PUM2: variants seen among roughly 807,000 people sequenced by gnomAD.
The protein encoded by PUM2 is pumilio RNA binding family member 2.
PUM2 carries 57 observed loss-of-function variants against 124.5 expected under a neutral mutation model. The observed-to-expected ratio is 0.46, with a 90% CI of 0.37 to 0.57. PUM2 has a LOEUF of 0.57. Among genes scored for constraint, PUM2 ranks in the 20% least tolerant of loss-of-function variants. The pLI, the probability that PUM2 is intolerant of heterozygous loss-of-function variation, is 0.00. For missense variants in PUM2, 1,065 were observed against 1,290.6 expected (o/e 0.83, Z 2.68); for synonymous variants, 460 against 446.1 (o/e 1.03, Z -0.39).
intron 7 of PUM2, among the ~76,000 whole-genome samples, chr2:20,307,223 C>G (rs753085644): frequency 6.6e-5 from 10 of 151,912 alleles, no homozygotes; most frequent in Non-Finnish European, 1.5e-4. Flanking sequence ...CCAAAATAAA[C>G]AAACAAAAAA....
At chr2:20,343,451 T>TAATTATTTA (rs1558689720) in intron 1 of PUM2, among the ~76,000 whole-genome samples, 1 of 152,080 alleles carries the variant, frequency 6.6e-6, no homozygotes, top group Admixed American at 6.6e-5. Flanking sequence ...AATAACTAAG[T>TAATTATTTA]AATTTATTAA....
chr2:20,325,659 T>G (rs1360711940), intron 2 of PUM2, among the ~76,000 whole-genome samples: 6 of 151,102 alleles, frequency 4.0e-5, no homozygotes, highest in Non-Finnish European at 8.9e-5. Flanking sequence ...TCTCGGTTTG[T>G]CCCCCAGGCC....
intron 13 of PUM2, 67 bp from the exon 14 acceptor site, chr2:20,263,527 T>C: frequency 1.3e-6 from 2 of 1,484,456 alleles, no homozygotes; most frequent in Non-Finnish European, 1.8e-6. Flanking sequence ...AAATTTACTT[T>C]AGCTACAAAT....
At position 20,293,663 on chromosome 2, in the gene PUM2, G is replaced by A. The variant is rs572043138; in HGVS notation, c.1152+713C>T. Among the ~76,000 whole-genome samples, 23 of 152,122 alleles carry A rather than the reference G, an allele frequency of 1.5e-4. No homozygotes were observed. The South Asian group carries it at 2.9e-3, about 19-fold the overall frequency. On this transcript the variant is annotated intron_variant, in intron 9 of 20. Coordinates refer to ENST00000361078, the MANE Select transcript of PUM2 (RefSeq NM_015317.5). ...GTGGAAGTTGCAGTGAGCCAAGATC[G>A]TGCCACTACACTCCAGCCTAGGTGA... is the stretch of plus-strand genomic sequence containing the variant.
intron 1 of PUM2, among the ~76,000 whole-genome samples, chr2:20,337,008 T>C (rs755244575): frequency 1.7e-4 from 26 of 152,232 alleles, no homozygotes; most frequent in African/African-American, 6.3e-4. Flanking sequence ...TAATGTAATA[T>C]GAAACAGTAC....
At chr2:20,320,259 A>G (rs1390702651) in intron 2 of PUM2, among the ~76,000 whole-genome samples, 1 of 152,188 alleles carries the variant, frequency 6.6e-6, no homozygotes, top group African/African-American at 2.4e-5. Context: ...AAAACAAAAA[A>G]CAAACAAACA....
Position 20,327,303 on chromosome 2 carries a change from C to T in PUM2, c.51+7G>A, listed in dbSNP as rs1553402440. 1 of 1,533,844 alleles carries T rather than the reference C, an allele frequency of 6.5e-7. No individual in the cohort carries two copies. On this transcript the variant is annotated splice_region_variant and intron_variant, in intron 2 of 20. Transcript: ENST00000361078. ...GGTGTAAGTTCTTAGTATTTGCAAA[C>T]ATTTACCTCTCCCATTCCCCGAGAT...
At chr2:20,327,654 A>G (rs1021838877) in intron 1 of PUM2, among the ~76,000 whole-genome samples, 1 of 152,238 alleles carries the variant, frequency 6.6e-6, no homozygotes, top group Non-Finnish European at 1.5e-5. Flanking sequence ...ACTGGAGAAC[A>G]GTCTATACTT....
chr2:20,294,645 T>C lies in PUM2; in HGVS notation c.1010-127A>G. On this transcript the variant is annotated intron_variant, in intron 8 of 20. Transcript: ENST00000361078. ...CTTAGAGAAGAACATGTCTTTATAA[T>C]AAAAGACAAAGTATTGATGGGTGAC... is the stretch of plus-strand genomic sequence containing the variant. 3 of 1,101,362 alleles carry C rather than the reference T, an allele frequency of 2.7e-6. No individual in the cohort carries two copies. In the East Asian group the frequency reaches 8.1e-5, roughly 30 times the overall value. The allele number at this position is 1,101,362 out of a possible 1,614,324, so 68.2% of individuals were successfully genotyped here.
Position 20,318,537 on chromosome 2 carries a change from G to A in PUM2, c.160C>T (p.His54Tyr), listed in dbSNP as rs749769709. The A allele has an allele frequency of 5.6e-6, 9 of 1,603,750 alleles. No individual in the cohort carries two copies. The highest frequency in any genetic ancestry group is 5.5e-5 in the South Asian group (5 of 90,328). ...TCTCACACATATACCAGTAACTTAC[G>A]AGAAGCTCCCCATGCAGTCTCTCTC... ...EWRETAWGASHHSMSQPIMVQ... is the reference protein window; with the variant it reads ...EWRETAWGASYHSMSQPIMVQ... Residue 54 changes from histidine (H) to tyrosine (Y), a missense_variant and splice_region_variant, in exon 3 of 21, where the codon CAC (histidine) becomes TAC (tyrosine). This residue lies in a region of PUM2 where 90 missense variants were observed against 103.6 expected (regional missense o/e 0.87). Coordinates refer to ENST00000361078, the MANE Select transcript of PUM2 (RefSeq NM_015317.5).
intron 2 of PUM2, chr2:20,326,366 ACTTGGACT>A: frequency 7.7e-7 from 1 of 1,304,226 alleles, no homozygotes; most frequent in African/African-American, 1.5e-5. Flanking sequence ...CAAAGGAGAG[ACTTGGACT>A]CTTTTCTGCA....
chr2:20,322,803 CAAAACAA>C (rs1053154991), intron 2 of PUM2, among the ~76,000 whole-genome samples: 6 of 151,434 alleles, frequency 4.0e-5, no homozygotes, highest in Non-Finnish European at 5.9e-5. Flanking sequence ...ATCCTGCCTC[CAAAACAA>C]AAAACAAAAA....
chr2:20,296,043 C>T (rs190031039), intron 8 of PUM2, among the ~76,000 whole-genome samples: 46 of 152,314 alleles, frequency 3.0e-4, no homozygotes, highest in Admixed American at 2.2e-3. Context: ...TACATAGTAA[C>T]ATCCAGTTAA....
At chr2:20,269,763 C>T (rs954226181) in intron 13 of PUM2, among the ~76,000 whole-genome samples, 2 of 152,096 alleles carry the variant, frequency 1.3e-5, no homozygotes, top group Non-Finnish European at 2.9e-5. Flanking sequence ...GTTTCTATTG[C>T]TTGTGATTCT....
chr2:20,323,714 A>G (rs1682955063), intron 2 of PUM2, among the ~76,000 whole-genome samples: 1 of 152,100 alleles, frequency 6.6e-6, no homozygotes, highest in Non-Finnish European at 1.5e-5. Flanking sequence ...CTACAGTCAC[A>G]TTCTGCATAA....
intron 1 of PUM2, among the ~76,000 whole-genome samples, chr2:20,328,037 A>G (rs948720220): frequency 1.3e-5 from 2 of 152,192 alleles, no homozygotes; most frequent in East Asian, 1.9e-4. Flanking sequence ...CTGAGTCCCA[A>G]CAAAACCCAA....
chr2:20,349,898 G>T (rs1272943389), intron 1 of PUM2, among the ~76,000 whole-genome samples: 1 of 152,172 alleles, frequency 6.6e-6, no homozygotes, highest in Non-Finnish European at 1.5e-5. Context: ...TTCTCTGGCT[G>T]TGTTTTCAGA....
At chr2:20,268,980 G>A (rs1668380623) in intron 13 of PUM2, among the ~76,000 whole-genome samples, 1 of 152,006 alleles carries the variant, frequency 6.6e-6, no homozygotes, top group Admixed American at 6.6e-5. Flanking sequence ...TTTTACTTGT[G>A]AGACAACAGC....
Position 20,254,867 on chromosome 2 carries a change from C to A in PUM2, c.2866G>T (p.Ala956Ser), listed in dbSNP as rs777674296. 1.2e-6 allele frequency: 2 copies of A among 1,612,442 alleles called. No homozygotes were observed. Among genetic ancestry groups the A allele is most frequent in the Non-Finnish European group, 1.7e-6 (2 of 1,179,528 alleles). The change falls in exon 19 of 21, where the codon GCC becomes TCC. Residue 956 changes from alanine (A) to serine (S), a missense_variant. This residue lies in a region of PUM2 where 968 missense variants were observed against 1,159.8 expected (regional missense o/e 0.83). Transcript: ENST00000361078. ...AATTACAAAGTATTACAATACCTGG[C>A]AAATTTGTGTTGACTCAGGGCTAAA... ...KVLALSQHKF[A>S]SNVVEKCVTH...
Sources: gnomAD v4.1 joint callset for allele counts (sites outside exome capture counted in the v4.1 genomes callset) on GRCh38, gnomAD v4.1.1 for gene constraint, gnomAD v4.1.1 regional missense constraint, MANE v1.5 for transcripts, NCBI Gene and HGNC (gene_info 2026-07-23, HGNC 2026-07-21) for gene names.